SHFL: variants seen among roughly 807,000 people sequenced by gnomAD.
The protein encoded by SHFL is shiftless antiviral inhibitor of ribosomal frameshifting protein.
In SHFL, 12 loss-of-function variants were observed where a neutral mutation model predicts 34.7. That is an observed-to-expected ratio of 0.35 (90% CI 0.22 to 0.56). The LOEUF is 0.56. Ranked by LOEUF, SHFL falls within the 20% of genes least tolerant of loss-of-function variation. SHFL has a pLI of 0.88. For synonymous variants in SHFL, 148 were observed against 156.0 expected (o/e 0.95, Z 0.38); for missense variants, 278 against 411.1 (o/e 0.68, Z 2.80).
rs775507393 is a variant in SHFL at position 10,091,340 on chromosome 19, C to T, written c.475C>T (p.Arg159Trp). Reference sequence around the variant, plus strand: ...GGCTGAGTTCCACTGCCCGAAGTGTCGGCACAACTTCCGGTGAGGGCGCTG... The same window carrying T: ...GGCTGAGTTCCACTGCCCGAAGTGTTGGCACAACTTCCGGTGAGGGCGCTG... ...GLAEFHCPKC[R>W]HNFRGWAQMG... The change falls in exon 6 of 8, where the codon CGG (arginine) becomes TGG (tryptophan). Residue 159 changes from arginine (R) to tryptophan (W), a missense_variant. Around this residue, in one of 2 missense-constraint regions of SHFL, gnomAD observed 243 missense variants for 386.2 expected, o/e 0.63. Coordinates refer to ENST00000253110, the MANE Select transcript of SHFL (RefSeq NM_018381.4). The surrounding 1 kb of genome is among the most constrained non-coding windows in gnomAD (Gnocchi z 8.2). 3.7e-6 allele frequency: 6 copies of T among 1,613,598 alleles called. No homozygotes were observed. The highest frequency in any genetic ancestry group is 5.1e-6 in the Non-Finnish European group (6 of 1,179,694).
chr19:10,093,063 A>T lies in SHFL; in HGVS notation c.*761A>T. 2.0e-6 allele frequency: 1 copy of T among 491,912 alleles called. No individual in the cohort carries two copies. The allele number at this position is 491,912 out of a possible 1,614,324, so 30.5% of individuals were successfully genotyped here. On this transcript the variant is annotated 3_prime_UTR_variant, in exon 8 of 8. Transcript: ENST00000253110. Reference sequence around the variant, plus strand: ...CTACCGTTCATTCCTTTATCAAAGAAAAGTATCTACTTCCTTTCTAGAATA... The same window carrying T: ...CTACCGTTCATTCCTTTATCAAAGATAAGTATCTACTTCCTTTCTAGAATA...
At position 10,091,790 on chromosome 19, in the gene SHFL, C is replaced by T. The variant is rs1021484674; in HGVS notation, c.643+160C>T. 6.6e-5 allele frequency: 75 copies of T among 1,130,782 alleles called. 1 individual carries two copies. The South Asian group carries it at 1.2e-3, about 18-fold the overall frequency. 70.0% of individuals were successfully genotyped at this position (1,130,782 alleles called of 1,614,324 possible). ...AGTCTCCGTGGTCTTGCCCAGGAGG[C>T]TCTGAGGTTTCACCCCAGTGGCCCG... On this transcript the variant is annotated intron_variant, in intron 7 of 7. Coordinates refer to ENST00000253110, the MANE Select transcript of SHFL (RefSeq NM_018381.4). This position sits in a 1 kb window ranked among gnomAD's most constrained non-coding sequence, Gnocchi z 8.2.
chr19:10,087,045 C>T lies in SHFL; in HGVS notation c.138C>T (p.Ile46=). The part of the protein sequence containing the change: ...GSDHTGVGRS[I]VYGVKQKDGQ... ...ACCACACGGGAGTGGGGCGCTCCAT[C>T]GTGTACGGTGAGGCTGCAGGGGTCC... The change falls in exon 2 of 8, where the codon ATC becomes ATT. Residue 46 remains isoleucine (I), a synonymous_variant. Transcript: ENST00000253110. 6.2e-7 allele frequency: 1 copy of T among 1,611,624 alleles called. No homozygotes were observed. The highest frequency in any genetic ancestry group is 8.5e-7 in the Non-Finnish European group (1 of 1,178,866).
chr19:10,087,386 C>T (rs778147679), intron 3 of SHFL, 86 bp downstream of exon 3: 3 of 1,449,198 alleles, frequency 2.1e-6, no homozygotes, highest in Non-Finnish European at 2.9e-6. Context: ...GTGACTGACC[C>T]CCCTCTGAAA....
Position 10,086,539 on chromosome 19 carries a change from G to C in SHFL, c.21+91G>C. ...CGGAGGGGGCTTCGCAGTTCCTGGG[G>C]ACCCCCATCCTAGAACCCCAGATCC... On this transcript the variant is annotated intron_variant, in intron 1 of 7. Transcript: ENST00000253110. The surrounding 1 kb of genome is among the most constrained non-coding windows in gnomAD (Gnocchi z 5.2). The C allele has an allele frequency of 1.5e-5, 18 of 1,215,978 alleles. No homozygotes were observed. The highest frequency in any genetic ancestry group is 1.8e-5 in the Non-Finnish European group (17 of 942,708). 75.3% of individuals were successfully genotyped at this position (1,215,978 alleles called of 1,614,324 possible).
At chr19:10,088,494 G>A (rs1003666031) in intron 3 of SHFL, among the ~76,000 whole-genome samples, 4 of 145,062 alleles carry the variant, frequency 2.8e-5, no homozygotes, top group African/African-American at 1.0e-4. Context: ...GCGTGAACCC[G>A]GGAGGCGGAG....
chr19:10,089,924 G>C lies in SHFL; in HGVS notation c.261G>C (p.Leu87=), dbSNP rs781558028. 7.4e-6 allele frequency: 12 copies of C among 1,612,076 alleles called. No homozygotes were observed. The highest frequency in any genetic ancestry group is 1.7e-5 in the Admixed American group (1 of 59,724). The change falls in exon 5 of 8, where the codon CTG becomes CTC. Residue 87 remains leucine, a synonymous_variant. Transcript: ENST00000253110. ...IQAVATSLLP[L]TEANLRMFQR... ...CAGTGGCGACCTCCCTCCTGCCACT[G>C]ACAGAAGCCAACCTACGCATGTTTC...
chr19:10,088,952 A>G (rs893556074), intron 3 of SHFL: 1 of 92,974 alleles, frequency 1.1e-5, no homozygotes, highest in African/African-American at 3.7e-5. Context: ...CGTCTCAAAA[A>G]TATAATAATA....
Position 10,090,024 on chromosome 19 carries a change from C to T in SHFL, c.361C>T (p.Arg121Cys), listed in dbSNP as rs1283189936. ...ACSSCDHVWW[R>C]RVPQRKEVSR... ...CTCCTCCTGCGACCACGTCTGGTGGCGCCGCGTGCCCCAGCGGAAGGAGGT... is the reference window on the plus strand; with the variant it reads ...CTCCTCCTGCGACCACGTCTGGTGGTGCCGCGTGCCCCAGCGGAAGGAGGT... Residue 121 changes from arginine to cysteine, a missense_variant, in exon 5 of 8, where the codon CGC (arginine) becomes TGC (cysteine). Arg to Cys is a radical substitution (Grantham distance 180). Transcript: ENST00000253110. 1.9e-6 allele frequency: 3 copies of T among 1,605,096 alleles called. No homozygotes were observed. The highest frequency in any genetic ancestry group is 1.7e-5 in the Admixed American group (1 of 58,626).
chr19:10,092,418 A>G lies in SHFL; in HGVS notation c.*116A>G. On this transcript the variant is annotated 3_prime_UTR_variant, in exon 8 of 8. Coordinates refer to ENST00000253110, the MANE Select transcript of SHFL (RefSeq NM_018381.4). ...TTGGGGAGCCATCTGAGGCCAAGAT[A>G]TTGACGGGGGGGATTCCTGGGTCCC... 1.3e-6 allele frequency: 2 copies of G among 1,516,454 alleles called. No homozygotes were observed. Among genetic ancestry groups the G allele is most frequent in the East Asian group, 4.8e-5 (2 of 41,478 alleles). The allele number at this position is 1,516,454 out of a possible 1,614,324, so 93.9% of individuals were successfully genotyped here.
At position 10,086,328 on chromosome 19, in the gene SHFL, C is replaced by T. The variant is rs2088281852; in HGVS notation, c.-100C>T. ...GCGGAGCCGGCCCCGAGGCACCGCCCCCTGCCCTGCGCGGCTGCTGGACCG... is the reference window on the plus strand; with the variant it reads ...GCGGAGCCGGCCCCGAGGCACCGCCTCCTGCCCTGCGCGGCTGCTGGACCG... On this transcript the variant is annotated 5_prime_UTR_variant, in exon 1 of 8. Coordinates refer to ENST00000253110, the MANE Select transcript of SHFL (RefSeq NM_018381.4). This position sits in a 1 kb window ranked among gnomAD's most constrained non-coding sequence, Gnocchi z 5.2. 9.0e-7 allele frequency: 1 copy of T among 1,115,328 alleles called. No homozygotes were observed. Among genetic ancestry groups the T allele is most frequent in the East Asian group, 3.2e-5 (1 of 31,016 alleles). The allele number at this position is 1,115,328 out of a possible 1,614,324, so 69.1% of individuals were successfully genotyped here.
chr19:10,088,870 C>A (rs1200073117), intron 3 of SHFL, among the ~76,000 whole-genome samples: 9 of 151,444 alleles, frequency 5.9e-5, no homozygotes, highest in Non-Finnish European at 1.3e-4. Context: ...TCACTTGAAC[C>A]TGGGAGGCAG....
rs112810952 is a variant in SHFL, at chr19:10,092,514, G to C, written c.*212G>C. ...GGACACATTGGCACTGAGCCACAAA[G>C]AAGGTGTGGCCAGAACAACTTGGGC... On this transcript the variant is annotated 3_prime_UTR_variant, in exon 8 of 8. Coordinates refer to ENST00000253110, the MANE Select transcript of SHFL (RefSeq NM_018381.4). 6.5e-7 allele frequency: 1 copy of C among 1,527,668 alleles called. No individual in the cohort carries two copies. The highest frequency in any genetic ancestry group is 2.3e-5 in the East Asian group (1 of 44,118). The allele number at this position is 1,527,668 out of a possible 1,614,324, so 94.6% of individuals were successfully genotyped here. A position where few individuals can be genotyped will look rare whatever the true frequency, so the allele number is the denominator to read the frequency against.
Position 10,092,542 on chromosome 19 carries a change from C to T in SHFL, c.*240C>T. ...GGTGTGGCCAGAACAACTTGGGCTC[C>T]TGCTGACCAATGTCCTCTAGGGCCT... On this transcript the variant is annotated 3_prime_UTR_variant, in exon 8 of 8. Coordinates refer to ENST00000253110, the MANE Select transcript of SHFL (RefSeq NM_018381.4). 6.4e-7 allele frequency: 1 copy of T among 1,556,264 alleles called. No homozygotes were observed. Among genetic ancestry groups the T allele is most frequent in the Non-Finnish European group, 8.7e-7 (1 of 1,147,726 alleles).
chr19:10,090,386 T>G, intron 5 of SHFL: 1 of 235,012 alleles, frequency 4.3e-6, no homozygotes, highest in South Asian at 7.4e-5. Context: ...TCGCTTGAAT[T>G]TAGGAGTTTG....
In SHFL at chr19:10,091,112, C is replaced by T. The variant is rs1231104592; in HGVS notation, c.385-138C>T. On this transcript the variant is annotated intron_variant, in intron 5 of 7. Transcript: ENST00000253110. This position sits in a 1 kb window ranked among gnomAD's most constrained non-coding sequence, Gnocchi z 8.2. ...CCACCATGGTCAATATCAGGCTACC[C>T]ACGTGAAGTCACTGATTGAGTTGGG... is the stretch of plus-strand genomic sequence containing the variant. 3.1e-6 allele frequency: 2 copies of T among 653,086 alleles called. No individual in the cohort carries two copies. Among genetic ancestry groups the T allele is most frequent in the Non-Finnish European group, 5.5e-6 (2 of 362,050 alleles). 40.5% of individuals were successfully genotyped at this position (653,086 alleles called of 1,614,324 possible). A position where few individuals can be genotyped will look rare whatever the true frequency, so the allele number is the denominator to read the frequency against.
chr19:10,092,430 G>T lies in SHFL; in HGVS notation c.*128G>T. On this transcript the variant is annotated 3_prime_UTR_variant, in exon 8 of 8. Coordinates refer to ENST00000253110, the MANE Select transcript of SHFL (RefSeq NM_018381.4). ...CTGAGGCCAAGATATTGACGGGGGG[G>T]ATTCCTGGGTCCCATTTTCAGCGCC... 6.6e-7 allele frequency: 1 copy of T among 1,517,228 alleles called. No homozygotes were observed. The highest frequency in any genetic ancestry group is 1.2e-5 in the South Asian group (1 of 80,710). The allele number at this position is 1,517,228 out of a possible 1,614,324, so 94.0% of individuals were successfully genotyped here.
chr19:10,088,369 C>T (rs1244289486), intron 3 of SHFL: 3 of 150,774 alleles, frequency 2.0e-5, no homozygotes, highest in Non-Finnish European at 4.4e-5. Context: ...TCGAGACCAT[C>T]CTGGCTAACA....
In SHFL at chr19:10,090,008, C is replaced by T. The variant is rs1461127224; in HGVS notation, c.345C>T (p.Cys115=). 4 of 1,607,288 alleles carry T rather than the reference C, an allele frequency of 2.5e-6. No homozygotes were observed. The African/African-American group carries it at 4.0e-5, about 16-fold the overall frequency. The change falls in exon 5 of 8, where the codon TGC becomes TGT. Residue 115 remains cysteine (C), a synonymous_variant. Transcript: ENST00000253110. ...ACCGGCAGTTTGCCTGCTCCTCCTG[C>T]GACCACGTCTGGTGGCGCCGCGTGC... ...AVDRQFACSS[C]DHVWWRRVPQ...
Sources: allele counts gnomAD v4.1 joint callset (sites outside exome capture counted in the v4.1 genomes callset), GRCh38; gene constraint gnomAD v4.1.1; regional missense constraint gnomAD v4.1.1; non-coding constraint Gnocchi (gnomAD v3.1); transcripts MANE v1.5; gene names NCBI Gene and HGNC (gene_info 2026-07-23, HGNC 2026-07-21).